Variants in ZNF654 observed in about 807,000 individuals in gnomAD.
ZNF654 encodes the protein melanoma-associated antigen.
Under a neutral mutation model 95.3 loss-of-function variants are expected in ZNF654, and 19 were observed. That is an observed-to-expected ratio of 0.20 (90% CI 0.14 to 0.29). ZNF654 has a LOEUF of 0.29. ZNF654 is among the 10% of genes least tolerant of loss of function. ZNF654 has a pLI of 1.00. For missense variants in ZNF654, 1,046 were observed against 1,341.0 expected (o/e 0.78, Z 3.44); for synonymous variants, 413 against 457.9 (o/e 0.90, Z 1.25).
chr3:88,113,268 C>A, intron 3 of ZNF654, 72 bp downstream of exon 3: 1 of 903,774 alleles, frequency 1.1e-6, no homozygotes, highest in Non-Finnish European at 1.6e-6. Flanking sequence ...CTAAATATAG[C>A]TTATTGGTTA....
chr3:88,069,485 T>G (rs1268567344), intron 1 of ZNF654, among the ~76,000 whole-genome samples: 1 of 152,198 alleles, frequency 6.6e-6, no homozygotes, highest in African/African-American at 2.4e-5. Context: ...TGGGATATGC[T>G]TAGATGAGAT....
In ZNF654 at chr3:88,059,434, G is replaced by A; in HGVS notation, c.115G>A (p.Gly39Ser). ...GLRAAGDGRG[G>S]AGSGNCGGGV... Reference sequence around the variant, plus strand: ...TAGAGCTGCGGGCGACGGCAGAGGCGGCGCTGGCAGCGGCAACTGCGGCGG... The same window carrying A: ...TAGAGCTGCGGGCGACGGCAGAGGCAGCGCTGGCAGCGGCAACTGCGGCGG... The change falls in exon 1 of 9, where the codon GGC becomes AGC. Residue 39 changes from glycine to serine, a missense_variant. Gly to Ser is a moderately conservative substitution (Grantham distance 56). This residue lies in a region of ZNF654 where 89 missense variants were observed against 77.9 expected (regional missense o/e 1.14). Coordinates refer to ENST00000636215, the MANE Select transcript of ZNF654 (RefSeq NM_001350134.2). The A allele has an allele frequency of 6.6e-7, 1 of 1,523,780 alleles. No homozygotes were observed. The highest frequency in any genetic ancestry group is 1.2e-5 in the South Asian group (1 of 82,954). 94.4% of individuals were successfully genotyped at this position (1,523,780 alleles called of 1,614,324 possible). A position where few individuals can be genotyped will look rare whatever the true frequency, so the allele number is the denominator to read the frequency against.
intron 2 of ZNF654, among the ~76,000 whole-genome samples, chr3:88,107,338 T>C (rs982527119): frequency 6.6e-6 from 1 of 152,214 alleles, no homozygotes; most frequent in African/African-American, 2.4e-5. Context: ...CGTTAGCCTA[T>C]ATATTTACTG....
At position 88,119,798 on chromosome 3, in the gene ZNF654, A is replaced by G. The variant is rs1230530507; in HGVS notation, c.415-6336A>G. Reference sequence around the variant, plus strand: ...AATATGATAGCCATATTAATTCATTACTTATTTTAAAATGCTAATGATAGG... The same window carrying G: ...AATATGATAGCCATATTAATTCATTGCTTATTTTAAAATGCTAATGATAGG... On this transcript the variant is annotated intron_variant, in intron 3 of 8. Transcript: ENST00000636215. Among the ~76,000 whole-genome samples, 8 of 152,170 alleles carry G rather than the reference A, an allele frequency of 5.3e-5. No homozygotes were observed. In the South Asian group the frequency reaches 1.4e-3, roughly 28 times the overall value.
chr3:88,143,982 T>G lies in ZNF654; in HGVS notation c.*2330T>G, dbSNP rs1483554853. 3.9e-5 allele frequency: 6 copies of G among 152,316 alleles called. No homozygotes were observed. Among genetic ancestry groups the G allele is most frequent in the South Asian group, 2.1e-4 (1 of 4,836 alleles). 9.4% of individuals were successfully genotyped at this position (152,316 alleles called of 1,614,324 possible). ...GCTTCAGAAGAAAAGGAAGCTTGCT[T>G]CTTATTCCTCAGATTCTTCTTTTTT... On this transcript the variant is annotated 3_prime_UTR_variant, in exon 9 of 9. Transcript: ENST00000636215.
At chr3:88,059,974 T>A (rs1706764062) in intron 1 of ZNF654, among the ~76,000 whole-genome samples, 1 of 152,014 alleles carries the variant, frequency 6.6e-6, no homozygotes, top group African/African-American at 2.4e-5. Flanking sequence ...TTCCTGTCAC[T>A]GCCACTGTTC....
At chr3:88,089,487 G>GT (rs1401930654) in intron 2 of ZNF654, among the ~76,000 whole-genome samples, 11 of 58,922 alleles carry the variant, frequency 1.9e-4, no homozygotes, top group East Asian at 6.1e-4. Flanking sequence ...GCAAAACTCT[G>GT]TTTAAAAAAA....
intron 2 of ZNF654, among the ~76,000 whole-genome samples, chr3:88,087,048 C>G (rs913883852): frequency 6.6e-6 from 1 of 151,908 alleles, no homozygotes; most frequent in Non-Finnish European, 1.5e-5. Flanking sequence ...TCCCAAAGTG[C>G]TGGGATTACA....
chr3:88,093,618 G>A (rs76643756), intron 2 of ZNF654, among the ~76,000 whole-genome samples: 3 of 152,218 alleles, frequency 2.0e-5, no homozygotes, highest in Non-Finnish European at 4.4e-5. Flanking sequence ...TATTTTGAGT[G>A]GCTAGATATT....
chr3:88,105,950 C>G (rs913713130), intron 2 of ZNF654, among the ~76,000 whole-genome samples: 2 of 152,164 alleles, frequency 1.3e-5, no homozygotes, highest in African/African-American at 4.8e-5. Flanking sequence ...AATTTGGCCT[C>G]TTTTTGCTGC....
At chr3:88,088,913 C>T (rs1708489144) in intron 2 of ZNF654, among the ~76,000 whole-genome samples, 1 of 151,564 alleles carries the variant, frequency 6.6e-6, no homozygotes, top group Non-Finnish European at 1.5e-5. Flanking sequence ...GCTGGGATGA[C>T]AGGCACCCGC....
chr3:88,075,136 C>T (rs1357477153), intron 1 of ZNF654, among the ~76,000 whole-genome samples: 2 of 152,160 alleles, frequency 1.3e-5, no homozygotes, highest in Non-Finnish European at 2.9e-5. Flanking sequence ...ATATTAAAAG[C>T]TTTTAATTTC....
chr3:88,113,134 C>T lies in ZNF654; in HGVS notation c.352C>T (p.Leu118=). ...TTCTAGGAGTTTCTTTGAGTTGCTG[C>T]TGTTCTTTGGAAGAGATGAGTTTTA... is the stretch of plus-strand genomic sequence containing the variant. ...SLAVSFFELL[L]FFGRDEFYEE... Residue 118 remains leucine, a synonymous_variant, in exon 3 of 9, where the codon CTG becomes TTG. Coordinates refer to ENST00000636215, the MANE Select transcript of ZNF654 (RefSeq NM_001350134.2). The T allele has an allele frequency of 1.3e-6, 2 of 1,533,350 alleles. No homozygotes were observed. The highest frequency in any genetic ancestry group is 1.7e-6 in the Non-Finnish European group (2 of 1,145,450). The allele number at this position is 1,533,350 out of a possible 1,614,324, so 95.0% of individuals were successfully genotyped here.
chr3:88,114,646 G>C (rs1705282184), intron 3 of ZNF654, among the ~76,000 whole-genome samples: 1 of 152,040 alleles, frequency 6.6e-6, no homozygotes, highest in Non-Finnish European at 1.5e-5. Context: ...TTCCTACTCT[G>C]AATTTCCTTG....
rs1706966549 is a variant in ZNF654 at position 88,139,041 on chromosome 3, A to C, written c.1372A>C (p.Lys458Gln). The change falls in exon 8 of 9, where the codon AAG becomes CAG. Residue 458 changes from lysine to glutamine, a missense_variant. Around this residue, in one of 9 missense-constraint regions of ZNF654, gnomAD observed 78 missense variants for 154.2 expected, o/e 0.51. Transcript: ENST00000636215. ...DPEFWNFVMIKKNCVALLSDK... is the reference protein window; with the variant it reads ...DPEFWNFVMIQKNCVALLSDK... ...TGAATTTTGGAACTTCGTAATGATT[A>C]AGAAAAACTGTGTAGCATTATTGAG... 1 of 1,241,900 alleles carries C rather than the reference A, an allele frequency of 8.1e-7. No homozygotes were observed. The highest frequency in any genetic ancestry group is 4.0e-5 in the South Asian group (1 of 25,214). The allele number at this position is 1,241,900 out of a possible 1,614,324, so 76.9% of individuals were successfully genotyped here.
chr3:88,113,253 T>TC, intron 3 of ZNF654, 57 bp downstream of exon 3: 1 of 1,053,488 alleles, frequency 9.5e-7, no homozygotes. Flanking sequence ...ACCATTATGC[T>TC]CCCCCTAAAT....
chr3:88,079,783 A>G (rs137942864), intron 1 of ZNF654, among the ~76,000 whole-genome samples: 284 of 152,230 alleles, frequency 1.9e-3, no homozygotes, highest in Middle Eastern at 6.8e-3. Context: ...AACCTATCAA[A>G]TACATTAATG....
At chr3:88,125,074 G>T (rs1230663986) in intron 3 of ZNF654, among the ~76,000 whole-genome samples, 1 of 151,830 alleles carries the variant, frequency 6.6e-6, no homozygotes, top group African/African-American at 2.4e-5. Context: ...AATTAGCTGG[G>T]CATGGTGACA....
At position 88,141,029 on chromosome 3, in the gene ZNF654, A is replaced by T; in HGVS notation, c.3360A>T (p.Gly1120=). ...AAAAGAAATGTCAGACACTCTTTGG[A>T]TTTGATTCAGATGATGAAAGTAAGT... The part of the protein sequence containing the change: ...LAQKKCQTLF[G]FDSDDESA The change falls in exon 8 of 9, where the codon GGA becomes GGT. Residue 1120 remains glycine (G), a synonymous_variant. Transcript: ENST00000636215. 1 of 1,601,936 alleles carries T rather than the reference A, an allele frequency of 6.2e-7. No homozygotes were observed.
Sources: gnomAD v4.1 joint callset for allele counts (sites outside exome capture counted in the v4.1 genomes callset) on GRCh38, gnomAD v4.1.1 for gene constraint, gnomAD v4.1.1 regional missense constraint, MANE v1.5 for transcripts, NCBI Gene and HGNC (gene_info 2026-07-23, HGNC 2026-07-21) for gene names.